The following MAPK10 variants were observed in gnomAD, a reference collection of about 807,000 sequenced individuals.
MAPK10 encodes mitogen-activated protein kinase 10, also known as JNK3 alpha protein kinase.
MAPK10 carries 25 observed loss-of-function variants against 59.3 expected under a neutral mutation model. The observed-to-expected ratio is 0.42, with a 90% CI of 0.31 to 0.59. MAPK10 has a LOEUF of 0.59. Among genes scored for constraint, MAPK10 ranks in the 20% least tolerant of loss-of-function variants. The pLI is 0.15. For synonymous variants in MAPK10, 190 were observed against 200.5 expected (o/e 0.95, Z 0.44); for missense variants, 351 against 568.9 (o/e 0.62, Z 3.90).
chr4:86,189,462 C>G (rs558364844), intron 3 of MAPK10, among the ~76,000 whole-genome samples: 2 of 152,118 alleles, frequency 1.3e-5, no homozygotes, highest in Admixed American at 1.3e-4. Context: ...AGAGGTCATT[C>G]GCATCCCTTT....
chr4:86,592,591 C>G (rs545302307), intron 1 of MAPK10, among the ~76,000 whole-genome samples: 44 of 152,326 alleles, frequency 2.9e-4, no homozygotes, highest in Admixed American at 2.0e-3. Context: ...TCTTCCCAAC[C>G]TGCCTTTCCT....
At chr4:86,526,536 T>C (rs192353165) in intron 1 of MAPK10, among the ~76,000 whole-genome samples, 18 of 152,332 alleles carry the variant, frequency 1.2e-4, no homozygotes, top group African/African-American at 1.4e-4. Flanking sequence ...CTTTTGGTTT[T>C]GGTGATACTT....
chr4:86,431,833 T>G (rs948716598), intron 1 of MAPK10, among the ~76,000 whole-genome samples: 2 of 152,174 alleles, frequency 1.3e-5, no homozygotes, highest in African/African-American at 4.8e-5. Context: ...ATGGGACCCG[T>G]GTTTAAAAAA....
chr4:86,548,429 C>A (rs892579082), intron 1 of MAPK10, among the ~76,000 whole-genome samples: 1 of 152,194 alleles, frequency 6.6e-6, no homozygotes, highest in Admixed American at 6.5e-5. Context: ...CAAGAACCCA[C>A]CAATTCCGGA....
intron 2 of MAPK10, among the ~76,000 whole-genome samples, chr4:86,280,608 G>GA (rs1357918885): frequency 6.6e-6 from 1 of 152,066 alleles, no homozygotes; most frequent in Admixed American, 6.6e-5. Flanking sequence ...ATACCCAGTG[G>GA]AAAATAAATC....
intron 2 of MAPK10, among the ~76,000 whole-genome samples, chr4:86,256,719 T>C (rs866894354): frequency 4.8e-4 from 64 of 132,644 alleles, no homozygotes; most frequent in African/African-American, 2.0e-3. Flanking sequence ...CTCCATTTTT[T>C]TCTTTTCTTT....
At chr4:86,363,000 A>G (rs913452666), upstream of MAPK10, among the ~76,000 whole-genome samples, 37 of 152,310 alleles carry the variant, frequency 2.4e-4, no homozygotes, top group African/African-American at 8.4e-4. Flanking sequence ...ATAAATGTTT[A>G]TGCTAGCTTT....
chr4:86,264,276 C>T (rs1292506984), intron 2 of MAPK10, among the ~76,000 whole-genome samples: 1 of 152,056 alleles, frequency 6.6e-6, no homozygotes, highest in Admixed American at 6.6e-5. Flanking sequence ...TGTAAAGTTG[C>T]CAAGATATCT....
At chr4:86,479,992 A>C (rs1405533796) in intron 1 of MAPK10, among the ~76,000 whole-genome samples, 1 of 151,926 alleles carries the variant, frequency 6.6e-6, no homozygotes, top group Non-Finnish European at 1.5e-5. Context: ...TACCACCCCC[A>C]AAAATTTTCG....
chr4:86,152,598 C>G (rs894080789), intron 4 of MAPK10: 1 of 152,208 alleles, frequency 6.6e-6, no homozygotes, highest in Non-Finnish European at 1.5e-5. Flanking sequence ...CCCCCACATT[C>G]AAATCCATGA....
At chr4:86,252,527 T>C (rs1369549232) in intron 2 of MAPK10, among the ~76,000 whole-genome samples, 3 of 143,394 alleles carry the variant, frequency 2.1e-5, no homozygotes, top group Admixed American at 6.9e-5. Flanking sequence ...GTTCCATTGA[T>C]CTATATCTCT....
At chr4:86,577,443 A>G (rs1206687095) in intron 1 of MAPK10, among the ~76,000 whole-genome samples, 5 of 152,206 alleles carry the variant, frequency 3.3e-5, no homozygotes, top group Non-Finnish European at 4.4e-5. Flanking sequence ...CCCCAGAACA[A>G]TGATACAAAG....
intron 3 of MAPK10, among the ~76,000 whole-genome samples, chr4:86,186,491 G>A (rs1161383423): frequency 6.6e-6 from 1 of 152,024 alleles, no homozygotes; most frequent in East Asian, 1.9e-4. Flanking sequence ...ACAATGTTTT[G>A]TTTCCTTTTA....
intron 2 of MAPK10, among the ~76,000 whole-genome samples, chr4:86,260,506 T>G (rs1361711486): frequency 2.6e-5 from 4 of 152,064 alleles, no homozygotes; most frequent in Non-Finnish European, 5.9e-5. Flanking sequence ...TTAAGAACTG[T>G]TCTACGAGGA....
upstream of MAPK10, among the ~76,000 whole-genome samples, chr4:86,363,803 GACAGGGTCTC>G (rs1737383526): frequency 6.6e-6 from 1 of 151,574 alleles, no homozygotes; most frequent in Non-Finnish European, 1.5e-5. Context: ...TTTTTTTTGA[GACAGGGTCTC>G]ACTCTGTTGC....
chr4:86,261,067 G>A (rs2093962913), intron 2 of MAPK10, among the ~76,000 whole-genome samples: 1 of 152,146 alleles, frequency 6.6e-6, no homozygotes, highest in African/African-American at 2.4e-5. Context: ...ATATTTCAAT[G>A]GCTATGCTAA....
At chr4:86,055,703 A>T (rs2044416980) in intron 11 of MAPK10, among the ~76,000 whole-genome samples, 1 of 149,842 alleles carries the variant, frequency 6.7e-6, no homozygotes, top group African/African-American at 2.5e-5. Flanking sequence ...ATGTTTTTTT[A>T]AAAGAGCTTT....
intron 9 of MAPK10, among the ~76,000 whole-genome samples, chr4:86,082,808 C>T (rs1281694322): frequency 6.6e-6 from 1 of 152,264 alleles, no homozygotes; most frequent in Non-Finnish European, 1.5e-5. Flanking sequence ...GTGTTTGCTC[C>T]AATCCTTTGT....
At chr4:86,539,275 G>A (rs1758491176) in intron 1 of MAPK10, among the ~76,000 whole-genome samples, 1 of 152,148 alleles carries the variant, frequency 6.6e-6, no homozygotes, top group African/African-American at 2.4e-5. Flanking sequence ...ATCTGAAAGA[G>A]CAATTTCATC....
Sources: gnomAD v4.1 joint callset for allele counts (sites outside exome capture counted in the v4.1 genomes callset) on GRCh38, gnomAD v4.1.1 for gene constraint, MANE v1.5 for transcripts, NCBI Gene and HGNC (gene_info 2026-07-23, HGNC 2026-07-21) for gene names.